The following KCNIP3 variants were observed in gnomAD, a reference collection of about 807,000 sequenced individuals.
KCNIP3 encodes potassium voltage-gated channel interacting protein 3, also known as calsenilin.
In KCNIP3, 28 loss-of-function variants were observed where a neutral mutation model predicts 35.0. The observed-to-expected ratio is 0.80, with a 90% CI of 0.59 to 1.10. KCNIP3 has a LOEUF of 1.10. KCNIP3 is among the 50% of genes least tolerant of loss of function. The pLI is 0.00. For synonymous variants in KCNIP3, 134 were observed against 133.8 expected (o/e 1.00, Z -0.01); for missense variants, 295 against 338.4 (o/e 0.87, Z 1.01).
Position 95,297,491 on chromosome 2 carries a change from G to C in KCNIP3, c.15+38G>C, listed in dbSNP as rs771693043. ...GGAATGGGGTCTTGCTCTGGAGGGG[G>C]GTCGGGGGGAGGAATGGAGGCTTCT... On this transcript the variant is annotated intron_variant, in intron 1 of 8. Transcript: ENST00000295225. The C allele has an allele frequency of 1.8e-5, 24 of 1,314,330 alleles. 2 individuals are homozygous for C. Among genetic ancestry groups the C allele is most frequent in the South Asian group, 1.8e-4 (14 of 78,488 alleles). 81.4% of individuals were successfully genotyped at this position (1,314,330 alleles called of 1,614,324 possible).
chr2:95,359,495 G>A (rs934119237), intron 2 of KCNIP3, among the ~76,000 whole-genome samples: 1 of 152,158 alleles, frequency 6.6e-6, no homozygotes, highest in Non-Finnish European at 1.5e-5. Flanking sequence ...CACCCCCATG[G>A]CTTTGGTGGG....
intron 2 of KCNIP3, among the ~76,000 whole-genome samples, chr2:95,346,006 A>G (rs1210575594): frequency 1.3e-5 from 2 of 152,220 alleles, no homozygotes; most frequent in African/African-American, 4.8e-5. Flanking sequence ...GACCAAGGTC[A>G]CGCAGCAAAG....
chr2:95,370,914 C>A (rs924998651), intron 2 of KCNIP3, among the ~76,000 whole-genome samples: 15 of 152,020 alleles, frequency 9.9e-5, no homozygotes, highest in African/African-American at 3.6e-4. Flanking sequence ...GTGTGCACCA[C>A]CACACCTGGC....
At chr2:95,357,880 C>T (rs1441602368) in intron 2 of KCNIP3, among the ~76,000 whole-genome samples, 1 of 152,206 alleles carries the variant, frequency 6.6e-6, no homozygotes, top group East Asian at 1.9e-4. Flanking sequence ...TTGTCTGAGC[C>T]AGCTGTGTCC....
At chr2:95,361,573 ATC>A (rs1679800035) in intron 2 of KCNIP3, among the ~76,000 whole-genome samples, 2 of 152,190 alleles carry the variant, frequency 1.3e-5, no homozygotes, top group South Asian at 4.2e-4. Flanking sequence ...TTGGAATATT[ATC>A]TCTTTTTCTC....
intron 2 of KCNIP3, among the ~76,000 whole-genome samples, chr2:95,339,776 G>A (rs1319769700): frequency 1.3e-5 from 2 of 151,970 alleles, no homozygotes; most frequent in Non-Finnish European, 2.9e-5. Flanking sequence ...TTTCCAAATC[G>A]ATAGCTCTTA....
intron 2 of KCNIP3, among the ~76,000 whole-genome samples, chr2:95,316,594 G>C (rs533334446): frequency 4.5e-4 from 68 of 152,302 alleles, no homozygotes; most frequent in African/African-American, 1.6e-3. Context: ...CCTCATTTCA[G>C]GCAACAGGAA....
rs58903840 is a variant in KCNIP3 at position 95,384,169 on chromosome 2, TACAC to T, written c.*154_*157del. 0.016 allele frequency: 8,248 copies of T among 511,732 alleles called. 44 individuals are homozygous for T. Among genetic ancestry groups the T allele is most frequent in the African/African-American group, 0.035 (1,755 of 50,616 alleles). 31.7% of individuals were successfully genotyped at this position (511,732 alleles called of 1,614,324 possible). A position where few individuals can be genotyped will look rare whatever the true frequency, so the allele number is the denominator to read the frequency against. On this transcript the variant is annotated 3_prime_UTR_variant, in exon 9 of 9. Coordinates refer to ENST00000295225, the MANE Select transcript of KCNIP3 (RefSeq NM_013434.5). ...GATTTGCAAAAAGTGAACAGATTGCTACACACACACACACACACACACACACACA... is the reference window on the plus strand; with the variant it reads ...GATTTGCAAAAAGTGAACAGATTGCTACACACACACACACACACACACACA...
intron 5 of KCNIP3, among the ~76,000 whole-genome samples, chr2:95,375,813 C>T (rs1274749304): frequency 1.3e-5 from 2 of 152,130 alleles, no homozygotes; most frequent in Admixed American, 6.5e-5. Context: ...GCCCCATCTG[C>T]GGAGCCCAAG....
intron 2 of KCNIP3, among the ~76,000 whole-genome samples, chr2:95,361,529 A>T (rs1405403631): frequency 6.6e-6 from 1 of 151,392 alleles, no homozygotes; most frequent in Admixed American, 6.6e-5. Flanking sequence ...GGTGCCCTTG[A>T]CCCCAGTTCA....
At chr2:95,324,523 G>GAAAAATAAATAAATAA (rs1553443487) in intron 2 of KCNIP3, among the ~76,000 whole-genome samples, 6 of 145,716 alleles carry the variant, frequency 4.1e-5, no homozygotes, top group Non-Finnish European at 7.5e-5. Context: ...AAAATAAATA[G>GAAAAATAAATAAATAA]ATAAATAAAT....
chr2:95,343,177 C>T (rs556435267), intron 2 of KCNIP3, among the ~76,000 whole-genome samples: 2 of 151,838 alleles, frequency 1.3e-5, no homozygotes, highest in East Asian at 1.9e-4. Context: ...ACAGGCTGGA[C>T]GGGGTGGGGA....
chr2:95,370,291 CAT>C (rs956211635), intron 2 of KCNIP3, among the ~76,000 whole-genome samples: 4 of 152,228 alleles, frequency 2.6e-5, no homozygotes, highest in Non-Finnish European at 5.9e-5. Context: ...TTGGCCAACT[CAT>C]GTGATCTTCA....
At chr2:95,309,720 G>A (rs1015401578) in intron 1 of KCNIP3, among the ~76,000 whole-genome samples, 3 of 152,262 alleles carry the variant, frequency 2.0e-5, no homozygotes, top group East Asian at 1.9e-4. Context: ...CACCACGCCC[G>A]GCTGATCCAC....
At position 95,313,934 on chromosome 2, in the gene KCNIP3, T is replaced by C. The variant is rs540802372; in HGVS notation, c.181+3414T>C. The C allele has an allele frequency of 1.1e-3, 157 of 147,916 alleles. 1 individual carries two copies. The South Asian group carries it at 0.012, about 11-fold the overall frequency. 9.2% of individuals were successfully genotyped at this position (147,916 alleles called of 1,614,324 possible). A position where few individuals can be genotyped will look rare whatever the true frequency, so the allele number is the denominator to read the frequency against. ...CATTCCTCACACACACACACACACA[T>C]ACACACACACACACATACACACACA... is the stretch of plus-strand genomic sequence containing the variant. On this transcript the variant is annotated intron_variant, in intron 2 of 8. Coordinates refer to ENST00000295225, the MANE Select transcript of KCNIP3 (RefSeq NM_013434.5).
Position 95,384,812 on chromosome 2 carries a change from T to A in KCNIP3, c.*763T>A, listed in dbSNP as rs1235823629. The A allele has an allele frequency of 2.0e-5, 3 of 152,590 alleles. No individual in the cohort carries two copies. The highest frequency in any genetic ancestry group is 4.4e-5 in the Non-Finnish European group (3 of 68,358). 9.5% of individuals were successfully genotyped at this position (152,590 alleles called of 1,614,324 possible). A position where few individuals can be genotyped will look rare whatever the true frequency, so the allele number is the denominator to read the frequency against. ...GTCGTGGTGGAGAATCTGAGGGCAC[T>A]CTCTGCCAGCTCCACAGGGTGGGAT... On this transcript the variant is annotated 3_prime_UTR_variant, in exon 9 of 9. Transcript: ENST00000295225.
chr2:95,385,742 C>T lies in KCNIP3; in HGVS notation c.*1693C>T, dbSNP rs1384220643. 1.2e-4 allele frequency: 18 copies of T among 152,724 alleles called. No individual in the cohort carries two copies. Among genetic ancestry groups the T allele is most frequent in the Admixed American group, 1.1e-3 (17 of 15,296 alleles). 9.5% of individuals were successfully genotyped at this position (152,724 alleles called of 1,614,324 possible). On this transcript the variant is annotated 3_prime_UTR_variant, in exon 9 of 9. Transcript: ENST00000295225. ...TCCAGGCTCCAGGCTGACTGGGGGC[C>T]TCTGCCTCCAGGAGGGCATCAGCTT...
chr2:95,345,701 C>T (rs1165446662), intron 2 of KCNIP3, among the ~76,000 whole-genome samples: 1 of 152,260 alleles, frequency 6.6e-6, no homozygotes, highest in African/African-American at 2.4e-5. Flanking sequence ...TGCGCCGCGC[C>T]CGCTGGAGGG....
rs70964869 is a variant in KCNIP3 at position 95,373,414 on chromosome 2, G to GT, written c.182-856dup. 3.0e-3 allele frequency among the ~76,000 whole-genome samples: 178 copies of GT among 60,016 alleles called. 20 individuals carry two copies. In the East Asian group the frequency reaches 0.035, roughly 12 times the overall value. The allele number at this position is 60,016 out of a possible 152,430, so 39.4% of individuals were successfully genotyped here. On this transcript the variant is annotated intron_variant, in intron 2 of 8. Coordinates refer to ENST00000295225, the MANE Select transcript of KCNIP3 (RefSeq NM_013434.5). ...GCCATGGTTAGTTAACAAGTTTGTG[G>GT]TTTTTTTTTTTTTTTTTTTTTTTTT...
Sources: gnomAD v4.1 joint callset for allele counts (sites outside exome capture counted in the v4.1 genomes callset) on GRCh38, gnomAD v4.1.1 for gene constraint, MANE v1.5 for transcripts, NCBI Gene and HGNC (gene_info 2026-07-23, HGNC 2026-07-21) for gene names.